Variants in ZNF469 observed in about 807,000 individuals in gnomAD.
ZNF469 encodes zinc finger protein 469.
In ZNF469, 1 loss-of-function variant was observed where a neutral mutation model predicts 1.0. The ratio of observed to expected loss-of-function variants is 1.00; its 90% CI spans 0.35 to 4.73. ZNF469 has a LOEUF of 4.73. ZNF469 is among the 30% of genes most tolerant of loss of function. ZNF469 has a pLI of 0.16. For missense variants in ZNF469, 6,100 were observed against 5,356.3 expected (o/e 1.14, Z -4.33); for synonymous variants, 2,703 against 2,363.4 (o/e 1.14, Z -4.17).
chr16:88,262,277 A>G, the ZNF469 span, among the ~76,000 whole-genome samples: 5 of 152,330 alleles, frequency 3.3e-5, no homozygotes, highest in African/African-American at 1.2e-4. The surrounding 1 kb of genome is among the most constrained non-coding windows in gnomAD (Gnocchi z 4.3). Flanking sequence ...GAAGAACTGG[A>G]CATACTCCAG....
In ZNF469 at chr16:88,435,649, G is replaced by A. The variant is rs1023194931; in HGVS notation, c.8179G>A (p.Asp2727Asn). The A allele has an allele frequency of 7.7e-6, 12 of 1,550,402 alleles. No homozygotes were observed. In the African/African-American group the frequency reaches 1.5e-4, roughly 19 times the overall value. The change falls in exon 3 of 3, where the codon GAT (aspartate) becomes AAT (asparagine). Residue 2727 changes from aspartate to asparagine, a missense_variant. Asp to Asn is a conservative substitution (Grantham distance 23, BLOSUM62 1). Coordinates refer to ENST00000565624, the MANE Select transcript of ZNF469 (RefSeq NM_001367624.2). ...GACTGGGGCCCAGAAGCCACCTGGA[G>A]ATCGGATGCTGTGTCCAGGGAGGAT... ...GETGAQKPPG[D>N]RMLCPGRMDG...
the ZNF469 span, among the ~76,000 whole-genome samples, chr16:88,188,338 A>G: frequency 1.3e-5 from 2 of 152,088 alleles, no homozygotes; most frequent in African/African-American, 4.8e-5. Context: ...TTGGGGGACC[A>G]TCTGCTGTCT....
chr16:88,179,152 T>C, the ZNF469 span, among the ~76,000 whole-genome samples: 1 of 152,190 alleles, frequency 6.6e-6, no homozygotes, highest in African/African-American at 2.4e-5. Flanking sequence ...TGCCTGGTGC[T>C]GTGGTTTGGA....
chr16:88,380,383 A>ATT (rs1168528421), upstream of ZNF469, among the ~76,000 whole-genome samples: 4 of 108,714 alleles, frequency 3.7e-5, no homozygotes, highest in African/African-American at 2.8e-4. Flanking sequence ...ACTCACACGC[A>ATT]CTCACAGACA....
chr16:88,246,011 C>T, the ZNF469 span, among the ~76,000 whole-genome samples: 9 of 152,274 alleles, frequency 5.9e-5, no homozygotes, highest in South Asian at 2.1e-4. Context: ...TCCGCCTGGG[C>T]GCCATGCAAA....
At chr16:88,326,670 G>C in the ZNF469 span, among the ~76,000 whole-genome samples, 2 of 152,120 alleles carry the variant, frequency 1.3e-5, no homozygotes, top group Admixed American at 1.3e-4. Context: ...TGGAGGCCTC[G>C]GGTTTGGGGT....
At chr16:88,202,529 A>G in the ZNF469 span, among the ~76,000 whole-genome samples, 1 of 152,024 alleles carries the variant, frequency 6.6e-6, no homozygotes, top group Non-Finnish European at 1.5e-5. Flanking sequence ...ATCCATCATC[A>G]TTCTCCCAGG....
At chr16:88,326,372 C>G in the ZNF469 span, among the ~76,000 whole-genome samples, 1 of 152,234 alleles carries the variant, frequency 6.6e-6, no homozygotes, top group Non-Finnish European at 1.5e-5. Flanking sequence ...GTCTCCCCAG[C>G]CACGTGGAAC....
chr16:88,359,008 A>G, the ZNF469 span, among the ~76,000 whole-genome samples: 1 of 152,078 alleles, frequency 6.6e-6, no homozygotes, highest in East Asian at 1.9e-4. Flanking sequence ...GTGTTCACTC[A>G]CTTCTACGGG....
At chr16:88,129,008 T>C in the ZNF469 span, among the ~76,000 whole-genome samples, 1 of 152,384 alleles carries the variant, frequency 6.6e-6, no homozygotes, top group East Asian at 1.9e-4. Flanking sequence ...CATGTTTGCG[T>C]TGAATGATGG....
chr16:88,218,873 T>C, the ZNF469 span, among the ~76,000 whole-genome samples: 6 of 147,270 alleles, frequency 4.1e-5, no homozygotes, highest in East Asian at 8.0e-4. Flanking sequence ...AAAACCCCAT[T>C]GTCTCAGCCC....
At chr16:88,389,516 G>T (rs570325946) in intron 1 of ZNF469, among the ~76,000 whole-genome samples, 1 of 152,350 alleles carries the variant, frequency 6.6e-6, no homozygotes, top group East Asian at 1.9e-4. Context: ...CTCCTGGGCA[G>T]CTTCCTGGGG....
the ZNF469 span, among the ~76,000 whole-genome samples, chr16:88,106,096 C>G: frequency 6.6e-6 from 1 of 152,250 alleles, no homozygotes; most frequent in Non-Finnish European, 1.5e-5. Flanking sequence ...CCCTGCCACA[C>G]CTGCAACATC....
chr16:88,149,035 C>T, the ZNF469 span, among the ~76,000 whole-genome samples: 695 of 152,282 alleles, frequency 4.6e-3, 5 homozygotes, highest in African/African-American at 0.015. Flanking sequence ...TGTGCCTGCT[C>T]CATTTATTAA....
chr16:88,296,657 C>T, the ZNF469 span, among the ~76,000 whole-genome samples: 1 of 152,122 alleles, frequency 6.6e-6, no homozygotes, highest in Non-Finnish European at 1.5e-5. Flanking sequence ...CATGCACAGA[C>T]ATGCTCACAC....
At chr16:88,391,205 C>T (rs1012125424) in intron 1 of ZNF469, among the ~76,000 whole-genome samples, 5 of 152,246 alleles carry the variant, frequency 3.3e-5, no homozygotes, top group Non-Finnish European at 5.9e-5. Flanking sequence ...GAGAGCACCT[C>T]AATGGTGCTG....
the ZNF469 span, among the ~76,000 whole-genome samples, chr16:88,360,018 T>A: frequency 1.0e-3 from 158 of 152,342 alleles, no homozygotes; most frequent in South Asian, 2.5e-3. Context: ...CTTGATTTTT[T>A]AATTTTTTTT....
At chr16:88,256,951 TTTTC>T in the ZNF469 span, among the ~76,000 whole-genome samples, 1 of 16,670 alleles carries the variant, frequency 6.0e-5, no homozygotes, top group African/African-American at 1.5e-4. Context: ...TCTTTCTTTC[TTTTC>T]TTTTCTTTCG....
chr16:88,244,021 A>T, the ZNF469 span, among the ~76,000 whole-genome samples: 1 of 132,404 alleles, frequency 7.6e-6, no homozygotes, highest in Non-Finnish European at 1.6e-5. Context: ...CGTATGGGTG[A>T]GTGCACGGAT....
Sources: gnomAD v4.1 joint callset for allele counts (sites outside exome capture counted in the v4.1 genomes callset) on GRCh38, gnomAD v4.1.1 for gene constraint, Gnocchi (gnomAD v3.1) non-coding constraint, MANE v1.5 for transcripts, NCBI Gene and HGNC (gene_info 2026-07-23, HGNC 2026-07-21) for gene names.